The following MAOB variants were observed in gnomAD, a reference collection of about 807,000 sequenced individuals.
MAOB encodes the protein amine oxidase [flavin-containing] B.
MAOB carries 15 observed loss-of-function variants against 41.9 expected under a neutral mutation model. The observed-to-expected ratio is 0.36, with a 90% CI of 0.24 to 0.55. MAOB has a LOEUF of 0.55. MAOB is among the 20% of genes least tolerant of loss of function. MAOB has a pLI of 0.86. For missense variants in MAOB, 345 were observed against 398.7 expected, an observed-to-expected ratio of 0.87 and a Z score of 1.15; for synonymous variants, 167 against 144.2, an observed-to-expected ratio of 1.16 and a Z score of -1.13.
intron 3 of MAOB, among the ~76,000 whole-genome samples, chrX:43,807,434 GCTCT>G (rs1399914207): frequency 1.8e-5 from 2 of 112,371 alleles, no homozygotes; most frequent in Middle Eastern, 4.7e-3. Context: ...GTGTCCCAGA[GCTCT>G]CTGTTTCTCT....
intron 2 of MAOB, among the ~76,000 whole-genome samples, chrX:43,841,498 G>A (rs749197161): frequency 2.7e-5 from 3 of 111,683 alleles, no homozygotes; most frequent in African/African-American, 9.8e-5. Context: ...GTGATCCATA[G>A]ATTCAGTGCA....
intron 1 of MAOB, among the ~76,000 whole-genome samples, chrX:43,863,228 T>C (rs1382717816): frequency 8.9e-6 from 1 of 112,346 alleles, no homozygotes; most frequent in Non-Finnish European, 1.9e-5. Context: ...ATATCTTTAG[T>C]GCACTGTCAT....
At chrX:43,786,934 T>A (rs2034407663) in intron 8 of MAOB, among the ~76,000 whole-genome samples, 2 of 111,584 alleles carry the variant, frequency 1.8e-5, no homozygotes, top group African/African-American at 6.5e-5. Context: ...GATAGAAAGC[T>A]CAAGAGCCCC....
intron 3 of MAOB, among the ~76,000 whole-genome samples, chrX:43,817,924 G>A (rs928803390): frequency 3.3e-4 from 37 of 112,021 alleles, no homozygotes; most frequent in African/African-American, 1.2e-3. Flanking sequence ...GCCTCTCCAC[G>A]CTGGAATGTA....
At chrX:43,861,856 CGT>C (rs112289658) in intron 1 of MAOB, among the ~76,000 whole-genome samples, 7,304 of 102,660 alleles carry the variant, frequency 0.071, 272 homozygotes, top group South Asian at 0.17. Context: ...CCAGCTGAAA[CGT>C]GTGTGTGTGT....
intron 14 of MAOB, among the ~76,000 whole-genome samples, chrX:43,768,156 C>G (rs2034135012): frequency 8.9e-6 from 1 of 112,075 alleles, no homozygotes. Flanking sequence ...TGCGTTTGCA[C>G]TCTAACCTCT....
rs1276733435 is a variant in MAOB, at chrX:43,766,674, T to C, written c.*792A>G. ...TACTGTCCTTTGTATGAAGATACAA[T>C]GGAGGATACAAAAGGAAGAAGAGAT... On this transcript the variant is annotated 3_prime_UTR_variant, in exon 15 of 15. Coordinates refer to ENST00000378069, the MANE Select transcript of MAOB (RefSeq NM_000898.5). The C allele has an allele frequency of 1.8e-5, 2 of 111,969 alleles. No individual in the cohort carries two copies. The highest frequency in any genetic ancestry group is 6.5e-5 in the African/African-American group (2 of 30,778). The allele number at this position is 111,969 out of a possible 1,213,427, so 9.2% of individuals were successfully genotyped here. A position where few individuals can be genotyped will look rare whatever the true frequency, so the allele number is the denominator to read the frequency against.
chrX:43,831,482 C>T (rs2147157999), intron 3 of MAOB, among the ~76,000 whole-genome samples: 1 of 109,965 alleles, frequency 9.1e-6, no homozygotes, highest in East Asian at 2.9e-4. Flanking sequence ...ATATAAGCAT[C>T]TACAAGATAG....
intron 5 of MAOB, among the ~76,000 whole-genome samples, chrX:43,798,888 T>G (rs983372223): frequency 3.6e-5 from 4 of 111,792 alleles, no homozygotes; most frequent in African/African-American, 9.7e-5. Context: ...ACAGTTCACA[T>G]GCTAGAAAAC....
In MAOB at chrX:43,794,666, C is replaced by T. The variant is rs2034505295; in HGVS notation, c.768+1073G>A. ...GCAAAATACAGAGGGTTGATAATAC[C>T]TTTATAAGTTTTTATAAATCCTCCC... is the stretch of plus-strand genomic sequence containing the variant. On this transcript the variant is annotated intron_variant, in intron 7 of 14. Transcript: ENST00000378069. Among the ~76,000 whole-genome samples the T allele has an allele frequency of 2.7e-5, 3 of 110,018 alleles. No homozygotes were observed. The South Asian group carries it at 1.2e-3, about 44-fold the overall frequency.
chrX:43,806,369 T>C (rs929105554), intron 3 of MAOB, among the ~76,000 whole-genome samples: 39 of 112,054 alleles, frequency 3.5e-4, no homozygotes, highest in African/African-American at 1.1e-3. Context: ...ACGGGTCAGT[T>C]ATCTGGTAGA....
chrX:43,876,148 C>T (rs890848113), intron 1 of MAOB, among the ~76,000 whole-genome samples: 7 of 110,770 alleles, frequency 6.3e-5, no homozygotes, highest in African/African-American at 9.9e-5. Context: ...TTAGTAGAGA[C>T]GGAGTTTCAC....
At chrX:43,774,388 T>C (rs975396129) in intron 12 of MAOB, among the ~76,000 whole-genome samples, 1 of 112,031 alleles carries the variant, frequency 8.9e-6, no homozygotes, top group Admixed American at 9.5e-5. Context: ...AGGTGAATTG[T>C]ATGGTATGTG....
chrX:43,791,524 G>A (rs373802518), intron 8 of MAOB, among the ~76,000 whole-genome samples: 53 of 111,762 alleles, frequency 4.7e-4, no homozygotes, highest in Admixed American at 3.9e-3. Flanking sequence ...TTGGGAGGCC[G>A]AGGCAGGTGG....
At chrX:43,849,062 G>A (rs1347733458) in intron 1 of MAOB, among the ~76,000 whole-genome samples, 1 of 111,983 alleles carries the variant, frequency 8.9e-6, no homozygotes, top group Admixed American at 9.5e-5. Flanking sequence ...AAGAAAAGTG[G>A]TTTTTGTAGG....
intron 3 of MAOB, among the ~76,000 whole-genome samples, chrX:43,825,483 C>G (rs915479465): frequency 1.8e-5 from 2 of 110,825 alleles, no homozygotes; most frequent in African/African-American, 6.6e-5. Context: ...CCCTCCCTGA[C>G]TACCCTACTT....
At chrX:43,833,638 TG>T (rs1329949469) in intron 3 of MAOB, among the ~76,000 whole-genome samples, 4 of 111,808 alleles carry the variant, frequency 3.6e-5, no homozygotes, top group Non-Finnish European at 7.5e-5. Context: ...TTTCCCTTAG[TG>T]AATTTCACTA....
At chrX:43,876,763 A>AAG in intron 1 of MAOB, among the ~76,000 whole-genome samples, 1 of 112,963 alleles carries the variant, frequency 8.9e-6, no homozygotes, top group East Asian at 2.8e-4. Context: ...CATCTGTGTT[A>AAG]GTAAATCATA....
intron 3 of MAOB, among the ~76,000 whole-genome samples, chrX:43,810,524 GAGAT>G (rs1423532966): frequency 2.7e-5 from 3 of 110,282 alleles, no homozygotes; most frequent in Non-Finnish European, 5.7e-5. Flanking sequence ...CAAGTATAGA[GAGAT>G]AGAGCCACAA....
Sources: allele counts gnomAD v4.1 joint callset (sites outside exome capture counted in the v4.1 genomes callset), GRCh38; gene constraint gnomAD v4.1.1; transcripts MANE v1.5; gene names NCBI Gene and HGNC (gene_info 2026-07-23, HGNC 2026-07-21).